GAS6: variants seen among roughly 807,000 people sequenced by gnomAD.
GAS6 encodes the protein growth arrest specific 6, also known as growth arrest-specific protein 6.
Under a neutral mutation model 75.8 loss-of-function variants are expected in GAS6, and 41 were observed. The ratio of observed to expected loss-of-function variants is 0.54; its 90% CI spans 0.42 to 0.70. The LOEUF (loss-of-function observed/expected upper bound fraction) is 0.70, where lower values mean the gene tolerates loss of function less well. Among genes scored for constraint, GAS6 ranks in the 30% least tolerant of loss-of-function variants. The pLI is 0.00. For synonymous variants in GAS6, 432 were observed against 412.6 expected (o/e 1.05, Z -0.57); for missense variants, 854 against 940.2 (o/e 0.91, Z 1.20).
chr13:113,822,614 G>A (rs529381034), intron 13 of GAS6: 3 of 170,238 alleles, frequency 1.8e-5, no homozygotes, highest in East Asian at 1.7e-4. Flanking sequence ...CCCAGGGGTC[G>A]GCTGTTGCTA....
rs1489974505 is a variant in GAS6 at position 113,846,463 on chromosome 13, AGCC to A, written c.343+61_343+63del. Reference sequence around the variant, plus strand: ...CTATTCAGGGCCCTCCACAAACCACAGCCAAGCCTAAAGCCGCCCAAACCCACA... The same window carrying A: ...CTATTCAGGGCCCTCCACAAACCACAAAGCCTAAAGCCGCCCAAACCCACA... On this transcript the variant is annotated intron_variant, in intron 4 of 14. Coordinates refer to ENST00000327773, the MANE Select transcript of GAS6 (RefSeq NM_000820.4). 2.1e-6 allele frequency: 3 copies of A among 1,439,374 alleles called. No homozygotes were observed. In the African/African-American group the frequency reaches 4.2e-5, roughly 20 times the overall value. 89.2% of individuals were successfully genotyped at this position (1,439,374 alleles called of 1,614,324 possible).
At chr13:113,862,910 G>C (rs1322542907) in intron 2 of GAS6, among the ~76,000 whole-genome samples, 1 of 152,186 alleles carries the variant, frequency 6.6e-6, no homozygotes, top group East Asian at 1.9e-4. Context: ...GCAGGATAGA[G>C]TGGCCAGGCC....
At chr13:113,822,816 A>C in intron 13 of GAS6, 1 of 153,410 alleles carries the variant, frequency 6.5e-6, no homozygotes. Flanking sequence ...GAGCGAGAGA[A>C]TAAAAGCTGT....
chr13:113,825,636 A>C (rs573609629), intron 12 of GAS6, among the ~76,000 whole-genome samples: 24 of 152,336 alleles, frequency 1.6e-4, no homozygotes, highest in Admixed American at 3.3e-4. Flanking sequence ...GTATGATATT[A>C]AGTGGAAAAA....
In GAS6 at chr13:113,839,774, G is replaced by C. The variant is rs368930462; in HGVS notation, c.420C>G (p.Phe140Leu). The change falls in exon 5 of 15, where the codon TTC (phenylalanine) becomes TTG (leucine). Residue 140 changes from phenylalanine to leucine, a missense_variant. Phe to Leu is a conservative substitution (Grantham distance 22). Transcript: ENST00000327773. Reference protein sequence around the residue: ...TQACQDLMGNFFCLCKAGWGG... With the variant: ...TQACQDLMGNLFCLCKAGWGG... ...CCCAGCCAGCTTTACACAGGCAGAA[G>C]AAGTTGCCCATGAGGTCCTGGCAGG... The C allele has an allele frequency of 1.2e-6, 2 of 1,614,056 alleles. No individual in the cohort carries two copies. Among genetic ancestry groups the C allele is most frequent in the Non-Finnish European group, 1.7e-6 (2 of 1,180,020 alleles).
intron 12 of GAS6, among the ~76,000 whole-genome samples, chr13:113,825,486 G>A (rs768551187): frequency 2.4e-4 from 36 of 152,102 alleles, no homozygotes; most frequent in Non-Finnish European, 5.0e-4. Context: ...GACGTTACTG[G>A]TATAGTTTGA....
At chr13:113,827,297 T>TGGTGGCCA in intron 11 of GAS6, 133 bp from the exon 12 acceptor site, 1 of 800,660 alleles carries the variant, frequency 1.2e-6, no homozygotes, top group Non-Finnish European at 2.0e-6. Flanking sequence ...GTCCCATCGG[T>TGGTGGCCA]GGTGGCCATT....
chr13:113,839,984 C>G (rs9604489), intron 4 of GAS6, 134 bp from the exon 5 acceptor site: 340,182 of 1,306,828 alleles, frequency 0.26, 44,974 homozygotes, highest in South Asian at 0.37. Context: ...GCTGAGGCAG[C>G]CCCTGGGCAC....
At chr13:113,839,969 C>T (rs9604490) in intron 4 of GAS6, 119 bp from the exon 5 acceptor site, 374,344 of 1,464,224 alleles carry the variant, frequency 0.26, 49,600 homozygotes, top group South Asian at 0.37. Context: ...CTCTGAGGGG[C>T]GCAGGCTGAG....
At chr13:113,847,858 G>A in intron 3 of GAS6, 168 bp downstream of exon 3, 1 of 689,196 alleles carries the variant, frequency 1.5e-6, no homozygotes, top group Non-Finnish European at 2.6e-6. Flanking sequence ...AAAATAAAGA[G>A]AGAAACTTGT....
At chr13:113,824,195 C>T (rs1199357187) in intron 12 of GAS6, among the ~76,000 whole-genome samples, 3 of 131,506 alleles carry the variant, frequency 2.3e-5, no homozygotes, top group Admixed American at 7.6e-5. Context: ...GGAGCACCCG[C>T]GGTCTGGGGT....
rs2051487908 is a variant in GAS6, at chr13:113,823,449, C to A, written c.1579G>T (p.Ala527Ser). 2.5e-6 allele frequency: 4 copies of A among 1,612,694 alleles called. No individual in the cohort carries two copies. The highest frequency in any genetic ancestry group is 2.2e-5 in the East Asian group (1 of 44,872). Residue 527 changes from alanine (A) to serine (S), a missense_variant, in exon 13 of 15, where the codon GCC becomes TCC. Transcript: ENST00000327773. ...AGAGGCACGGCACGGAGGTCGGGGG[C>A]CCAGAGCGCAAACAGCACGCCTGTG... ...ADTGVLFALW[A>S]PDLRAVPLSV...
At chr13:113,859,256 CTG>C (rs948388154) in intron 2 of GAS6, among the ~76,000 whole-genome samples, 1 of 132,662 alleles carries the variant, frequency 7.5e-6, no homozygotes, top group Admixed American at 7.9e-5. Flanking sequence ...GTATGCATGT[CTG>C]TGTGACTGTG....
At chr13:113,847,220 T>G (rs903715711) in intron 3 of GAS6, 4 of 271,318 alleles carry the variant, frequency 1.5e-5, no homozygotes, top group Non-Finnish European at 2.9e-5. Context: ...AGGTGTGCTG[T>G]GGACCGCTGG....
At chr13:113,858,758 TGTGC>T (rs1285787779) in intron 2 of GAS6, among the ~76,000 whole-genome samples, 1 of 151,898 alleles carries the variant, frequency 6.6e-6, no homozygotes, top group Non-Finnish European at 1.5e-5. Context: ...TTAGTATGTG[TGTGC>T]GTGTCATTAT....
intron 12 of GAS6, among the ~76,000 whole-genome samples, chr13:113,825,647 G>A (rs2051527765): frequency 6.6e-6 from 1 of 152,168 alleles, no homozygotes; most frequent in African/African-American, 2.4e-5. Context: ...AGTGGAAAAA[G>A]GATTTAAGCA....
rs2051985769 is a variant in GAS6 at position 113,863,072 on chromosome 13, C to G, written c.255+503G>C. 6.6e-6 allele frequency among the ~76,000 whole-genome samples: 1 copy of G among 152,110 alleles called. No homozygotes were observed. Among genetic ancestry groups the G allele is most frequent in the Non-Finnish European group, 1.5e-5 (1 of 68,002 alleles). ...CACCTGGCAGAACGGGGCCGCGGAG[C>G]CGCCCTCCCCTCCCGCATGCGGCCC... On this transcript the variant is annotated intron_variant, in intron 2 of 14. Transcript: ENST00000327773. This position sits in a 1 kb window ranked among gnomAD's most constrained non-coding sequence, Gnocchi z 9.4.
At chr13:113,855,855 G>A (rs1286959886) in intron 2 of GAS6, among the ~76,000 whole-genome samples, 2 of 152,212 alleles carry the variant, frequency 1.3e-5, no homozygotes, top group African/African-American at 4.8e-5. Flanking sequence ...AAGTTGAGCT[G>A]GTCTTCGGCC....
rs1644578124 is a variant in GAS6 at position 113,864,041 on chromosome 13, G to GGCGGCGGCGGCT, written c.-133_-122dup. The GGCGGCGGCGGCT allele has an allele frequency of 2.1e-6, 2 of 969,614 alleles. No individual in the cohort carries two copies. Among genetic ancestry groups the GGCGGCGGCGGCT allele is most frequent in the South Asian group, 9.2e-5 (2 of 21,760 alleles). 60.1% of individuals were successfully genotyped at this position (969,614 alleles called of 1,614,324 possible). On this transcript the variant is annotated 5_prime_UTR_variant, in exon 1 of 15. Coordinates refer to ENST00000327773, the MANE Select transcript of GAS6 (RefSeq NM_000820.4). ...CTGAAGGTCACATCGCGGCGGCGGC[G>GGCGGCGGCGGCT]GCGGCGGCGGCTGCGGCACCTCAAG...
Sources: gnomAD v4.1 joint callset for allele counts (sites outside exome capture counted in the v4.1 genomes callset) on GRCh38, gnomAD v4.1.1 for gene constraint, Gnocchi (gnomAD v3.1) non-coding constraint, MANE v1.5 for transcripts, NCBI Gene and HGNC (gene_info 2026-07-23, HGNC 2026-07-21) for gene names.